The following ARHGEF3 variants were observed in gnomAD, a reference collection of about 807,000 sequenced individuals.
ARHGEF3 encodes 59.8 kDA protein.
In ARHGEF3, 28 loss-of-function variants were observed where a neutral mutation model predicts 63.2. The ratio of observed to expected loss-of-function variants is 0.44; its 90% CI spans 0.33 to 0.61. The LOEUF (loss-of-function observed/expected upper bound fraction) is 0.61. Among genes scored for constraint, ARHGEF3 ranks in the 20% least tolerant of loss-of-function variants. ARHGEF3 has a pLI of 0.03. For missense variants in ARHGEF3, 533 were observed against 659.3 expected, an observed-to-expected ratio of 0.81 and a Z score of 2.10; for synonymous variants, 266 against 254.2, an observed-to-expected ratio of 1.05 and a Z score of -0.44.
chr3:57,003,748 G>A (rs1438435833), intron 2 of ARHGEF3, among the ~76,000 whole-genome samples: 1 of 152,298 alleles, frequency 6.6e-6, no homozygotes, highest in African/African-American at 2.4e-5. Flanking sequence ...GCAGTAGTAG[G>A]AGATGTGATC....
intron 3 of ARHGEF3, among the ~76,000 whole-genome samples, chr3:56,921,959 C>A (rs895125287): frequency 6.6e-6 from 1 of 152,128 alleles, no homozygotes. Flanking sequence ...GGTTTTGTTA[C>A]AAGCAATCGC....
intron 2 of ARHGEF3, among the ~76,000 whole-genome samples, chr3:56,993,146 T>C (rs962819464): frequency 2.0e-5 from 3 of 152,092 alleles, no homozygotes; most frequent in African/African-American, 7.2e-5. Context: ...CAAGGAAGCT[T>C]TTTAAATTCT....
At chr3:56,945,804 A>G (rs1202571908) in intron 3 of ARHGEF3, among the ~76,000 whole-genome samples, 1 of 152,232 alleles carries the variant, frequency 6.6e-6, no homozygotes, top group Non-Finnish European at 1.5e-5. Flanking sequence ...ATGCAGCTGG[A>G]GATCTGAGAA....
intron 2 of ARHGEF3, among the ~76,000 whole-genome samples, chr3:56,769,318 G>A (rs1419137568): frequency 6.6e-6 from 1 of 152,226 alleles, no homozygotes; most frequent in Non-Finnish European, 1.5e-5. Context: ...CCAGAGGAGC[G>A]CATGAGGTCC....
chr3:56,944,667 C>T (rs1560071965), intron 3 of ARHGEF3, among the ~76,000 whole-genome samples: 1 of 144,862 alleles, frequency 6.9e-6, no homozygotes, highest in Non-Finnish European at 1.5e-5. Flanking sequence ...ACCTCTGCCT[C>T]CCGGGTACAA....
intron 2 of ARHGEF3, among the ~76,000 whole-genome samples, chr3:56,769,218 G>A (rs2035877418): frequency 6.6e-6 from 1 of 152,192 alleles, no homozygotes; most frequent in Non-Finnish European, 1.5e-5. Flanking sequence ...CAGCTCAAAT[G>A]AGTCCAGTAG....
intron 7 of ARHGEF3, among the ~76,000 whole-genome samples, chr3:56,742,030 A>C (rs918804561): frequency 4.6e-5 from 7 of 152,212 alleles, no homozygotes; most frequent in African/African-American, 1.7e-4. Context: ...TGCTGGACTC[A>C]TCATCCTCAA....
intron 2 of ARHGEF3, among the ~76,000 whole-genome samples, chr3:56,988,398 C>T (rs970348942): frequency 2.0e-5 from 3 of 152,120 alleles, no homozygotes; most frequent in Non-Finnish European, 2.9e-5. Context: ...CCACCCGCTT[C>T]GGCCTCCCAA....
chr3:56,762,166 A>T (rs927223229), intron 2 of ARHGEF3, among the ~76,000 whole-genome samples: 1 of 152,154 alleles, frequency 6.6e-6, no homozygotes, highest in Non-Finnish European at 1.5e-5. Context: ...AGTCCACGGT[A>T]ACTAGAAGAG....
intron 2 of ARHGEF3, chr3:57,007,330 A>C: frequency 7.8e-7 from 1 of 1,289,764 alleles, no homozygotes. Flanking sequence ...AAACACCTCC[A>C]ACAGCCCTGA....
At chr3:57,042,677 TATATATATATATATATATA>T (rs1188567909) in intron 1 of ARHGEF3, among the ~76,000 whole-genome samples, 372 of 35,334 alleles carry the variant, frequency 0.011, 30 homozygotes, top group African/African-American at 0.03. Context: ...TATATATATA[TATATATATATATATATATA>T]TATATTTTTT....
intron 2 of ARHGEF3, among the ~76,000 whole-genome samples, chr3:56,772,304 A>T (rs1578470814): frequency 6.6e-6 from 1 of 152,198 alleles, no homozygotes; most frequent in African/African-American, 2.4e-5. Flanking sequence ...CACTTGGGCT[A>T]TGTGGAGTCA....
chr3:57,000,787 C>A (rs1579058629), intron 2 of ARHGEF3, among the ~76,000 whole-genome samples: 1 of 152,146 alleles, frequency 6.6e-6, no homozygotes, highest in South Asian at 2.1e-4. Context: ...CCCGACTCAG[C>A]CTCCCAAAGT....
chr3:56,740,587 T>G (rs2033948791), intron 7 of ARHGEF3, among the ~76,000 whole-genome samples: 1 of 152,190 alleles, frequency 6.6e-6, no homozygotes, highest in African/African-American at 2.4e-5. Context: ...TTAGACGAAG[T>G]GGTAGCATTC....
intron 2 of ARHGEF3, chr3:56,975,680 T>C (rs1701097798): frequency 6.2e-6 from 2 of 320,426 alleles, no homozygotes; most frequent in Admixed American, 4.8e-5. Flanking sequence ...GGCTCTAGAG[T>C]TGATGAACAG....
At chr3:56,853,148 G>C (rs1160856635) in intron 4 of ARHGEF3, among the ~76,000 whole-genome samples, 7 of 151,724 alleles carry the variant, frequency 4.6e-5, no homozygotes, top group Non-Finnish European at 7.4e-5. Flanking sequence ...TAGTACCTGA[G>C]CATGGGGTAC....
chr3:56,893,811 C>CAAAAAAAAAAAAAA (rs537483698), intron 3 of ARHGEF3, among the ~76,000 whole-genome samples: 4 of 79,542 alleles, frequency 5.0e-5, no homozygotes, highest in African/African-American at 1.1e-4. Flanking sequence ...GACTCTGTCT[C>CAAAAAAAAAAAAAA]AAAAAAAAAA....
chr3:56,899,215 A>G (rs938257854), intron 3 of ARHGEF3, among the ~76,000 whole-genome samples: 1 of 152,194 alleles, frequency 6.6e-6, no homozygotes, highest in Non-Finnish European at 1.5e-5. Flanking sequence ...AAGGACATAG[A>G]AAGTCAAAGA....
intron 2 of ARHGEF3, among the ~76,000 whole-genome samples, chr3:56,959,221 C>T (rs781166595): frequency 1.3e-5 from 2 of 152,232 alleles, no homozygotes; most frequent in Non-Finnish European, 2.9e-5. Flanking sequence ...TCAATTCCCA[C>T]ATGGACACTA....
Sources: gnomAD v4.1 joint callset for allele counts (sites outside exome capture counted in the v4.1 genomes callset) on GRCh38, gnomAD v4.1.1 for gene constraint, MANE v1.5 for transcripts, NCBI Gene and HGNC (gene_info 2026-07-23, HGNC 2026-07-21) for gene names.